The following KRT8 variants were observed in gnomAD, a reference collection of about 807,000 sequenced individuals.
KRT8 encodes keratin, type II cytoskeletal 8.
KRT8 carries 24 observed loss-of-function variants against 43.0 expected under a neutral mutation model. The observed-to-expected ratio is 0.56, with a 90% confidence interval of 0.40 to 0.78. The LOEUF (loss-of-function observed/expected upper bound fraction) is 0.78, where lower values mean the gene tolerates loss of function less well. Ranked by LOEUF, KRT8 falls within the 30% of genes least tolerant of loss-of-function variation. The pLI is 0.00. For missense variants in KRT8, 492 were observed against 638.4 expected (o/e 0.77, Z 2.47); for synonymous variants, 214 against 261.2 (o/e 0.82, Z 1.74).
At chr12:52,900,090 G>A in intron 4 of KRT8, 25 bp from the exon 5 acceptor site, 1 of 1,611,038 alleles carries the variant, frequency 6.2e-7, no homozygotes, top group Non-Finnish European at 8.5e-7. Context: ...GGCAAGTGGT[G>A]AGGCCCTGTC....
intron 2 of KRT8, among the ~76,000 whole-genome samples, chr12:52,924,420 G>A (rs987437551): frequency 6.7e-6 from 1 of 150,162 alleles, no homozygotes; most frequent in Non-Finnish European, 1.5e-5. Flanking sequence ...CTGCACTCCA[G>A]CCTGGGCGAC....
chr12:52,898,388 A>G (rs1941268702), intron 7 of KRT8, 73 bp downstream of exon 7: 11 of 1,311,726 alleles, frequency 8.4e-6, no homozygotes, highest in Admixed American at 1.9e-5. Context: ...GACTGAGCAC[A>G]GCCCCCTCCC....
intron 2 of KRT8, among the ~76,000 whole-genome samples, chr12:52,922,991 G>T (rs575624882): frequency 6.6e-6 from 1 of 152,150 alleles, no homozygotes; most frequent in Non-Finnish European, 1.5e-5. Flanking sequence ...CTTCCCCGCT[G>T]ATCTGGGGAA....
At chr12:52,911,872 C>A (rs1941643188), upstream of KRT8, among the ~76,000 whole-genome samples, 1 of 151,914 alleles carries the variant, frequency 6.6e-6, no homozygotes, top group Admixed American at 6.6e-5. Flanking sequence ...AAAAAACAAA[C>A]AAAAAAATTA....
chr12:52,935,378 CAAAAAAAAAAAAAAAA>C (rs71092794), intron 2 of KRT8, among the ~76,000 whole-genome samples: 6 of 23,726 alleles, frequency 2.5e-4, no homozygotes, highest in Non-Finnish European at 3.4e-4. Context: ...GACTCTGTCT[CAAAAAAAAAAAAAAAA>C]AAAAAAAAAA....
At chr12:52,915,588 T>C (rs1178576472) in intron 2 of KRT8, among the ~76,000 whole-genome samples, 1 of 151,820 alleles carries the variant, frequency 6.6e-6, no homozygotes, top group African/African-American at 2.4e-5. Flanking sequence ...TGCATGCCTG[T>C]AGTCCCAGCT....
At chr12:52,930,960 C>T (rs1401793672) in intron 2 of KRT8, among the ~76,000 whole-genome samples, 1 of 152,148 alleles carries the variant, frequency 6.6e-6, no homozygotes, top group Non-Finnish European at 1.5e-5. Flanking sequence ...CAGTAATCTC[C>T]ACTCTTGTCT....
chr12:52,917,713 A>AAAG (rs1941770355), intron 2 of KRT8, among the ~76,000 whole-genome samples: 1 of 102,040 alleles, frequency 9.8e-6, no homozygotes, highest in Non-Finnish European at 1.8e-5. Context: ...TGTCTCAAAA[A>AAAG]AAAAAAAAAA....
chr12:52,902,744 G>T (rs188897394), intron 1 of KRT8, among the ~76,000 whole-genome samples: 11 of 152,066 alleles, frequency 7.2e-5, no homozygotes, highest in Middle Eastern at 3.4e-3. Flanking sequence ...GGGCGTGGAG[G>T]CTCACGCTTG....
At chr12:52,946,086 T>C (rs956535446) in intron 2 of KRT8, among the ~76,000 whole-genome samples, 2 of 152,122 alleles carry the variant, frequency 1.3e-5, no homozygotes, top group Non-Finnish European at 2.9e-5. Context: ...TCGACATCAG[T>C]AGGAGAGATA....
At chr12:52,904,339 G>C (rs977124913) in intron 1 of KRT8, among the ~76,000 whole-genome samples, 3 of 152,156 alleles carry the variant, frequency 2.0e-5, no homozygotes, top group African/African-American at 7.2e-5. Flanking sequence ...ATGACCTGAG[G>C]AAGAACGGGA....
chr12:52,906,687 G>A, upstream of KRT8: 1 of 455,964 alleles, frequency 2.2e-6, no homozygotes, highest in Non-Finnish European at 4.4e-6. Flanking sequence ...ATACTGCAGG[G>A]TGTGATGTGG....
chr12:52,922,134 T>A lies in KRT8; in HGVS notation c.-46-17107A>T, dbSNP rs1161594331. 2.1e-5 allele frequency among the ~76,000 whole-genome samples: 3 copies of A among 141,962 alleles called. No homozygotes were observed. The East Asian group carries it at 6.2e-4, about 29-fold the overall frequency. 93.1% of individuals were successfully genotyped at this position (141,962 alleles called of 152,430 possible). A position where few individuals can be genotyped will look rare whatever the true frequency, so the allele number is the denominator to read the frequency against. ...GTTTGAGGCTGTAGTGTACCATAAT[T>A]GCACCTGTGAGTAACAATGGCACTG... On this transcript the variant is annotated intron_variant, in intron 2 of 6. Transcript: ENST00000546826.
chr12:52,927,943 G>A (rs1942020912), intron 2 of KRT8, among the ~76,000 whole-genome samples: 1 of 152,194 alleles, frequency 6.6e-6, no homozygotes, highest in Admixed American at 6.5e-5. Context: ...GCCAGGCTTG[G>A]TGGCAGGCAC....
chr12:52,942,598 T>G (rs1423738588), intron 2 of KRT8, among the ~76,000 whole-genome samples: 1 of 152,130 alleles, frequency 6.6e-6, no homozygotes, highest in Non-Finnish European at 1.5e-5. Context: ...CACTAAACTC[T>G]TCTGTTTGCC....
At chr12:52,915,784 A>G (rs529013103) in intron 2 of KRT8, among the ~76,000 whole-genome samples, 1 of 152,184 alleles carries the variant, frequency 6.6e-6, no homozygotes, top group African/African-American at 2.4e-5. Context: ...TGTTCACTAC[A>G]TATGCTAACC....
At chr12:52,918,033 G>GGGGAGA (rs1333752621) in intron 2 of KRT8, among the ~76,000 whole-genome samples, 1 of 36,046 alleles carries the variant, frequency 2.8e-5, no homozygotes, top group African/African-American at 1.6e-4. Context: ...AGAAGAGGAG[G>GGGGAGA]AGGAGAAGAA....
chr12:52,940,787 C>G (rs574440275), intron 2 of KRT8, among the ~76,000 whole-genome samples: 1 of 151,190 alleles, frequency 6.6e-6, no homozygotes, highest in Admixed American at 6.6e-5. Flanking sequence ...CCCCATGCCC[C>G]GCTAATTTTT....
chr12:52,897,627 G>A lies in KRT8; in HGVS notation c.1262-9C>T. On this transcript the variant is annotated splice_polypyrimidine_tract_variant and intron_variant, in intron 7 of 7. Transcript: ENST00000692008. ...GGCCGAGCTCAGACCACCTGGTGAG[G>A]GACAGAGGTAGCCACATGAGTACAG... 1.3e-6 allele frequency: 2 copies of A among 1,597,966 alleles called. No individual in the cohort carries two copies. The highest frequency in any genetic ancestry group is 1.7e-6 in the Non-Finnish European group (2 of 1,179,906).
Sources: gnomAD v4.1 joint callset for allele counts (sites outside exome capture counted in the v4.1 genomes callset) on GRCh38, gnomAD v4.1.1 for gene constraint, MANE v1.5 for transcripts, NCBI Gene and HGNC (gene_info 2026-07-23, HGNC 2026-07-21) for gene names.